Variants in TAFA2 observed in about 807,000 individuals in gnomAD.
The protein encoded by TAFA2 is chemokine-like protein TAFA-2.
In TAFA2, 7 loss-of-function variants were observed where a neutral mutation model predicts 18.8. The observed-to-expected ratio is 0.37, with a 90% confidence interval of 0.21 to 0.70. The LOEUF (loss-of-function observed/expected upper bound fraction) is 0.70, where lower values mean the gene tolerates loss of function less well. Among genes scored for constraint, TAFA2 ranks in the 30% least tolerant of loss-of-function variants. The pLI is 0.53. For synonymous variants in TAFA2, 60 were observed against 54.2 expected, an observed-to-expected ratio of 1.11 and a Z score of -0.47; for missense variants, 122 against 158.1, an observed-to-expected ratio of 0.77 and a Z score of 1.23.
At chr12:62,212,685 G>GA in intron 1 of TAFA2, among the ~76,000 whole-genome samples, 1 of 152,012 alleles carries the variant, frequency 6.6e-6, no homozygotes, top group East Asian at 1.9e-4. Context: ...ATGCTCTGCC[G>GA]AAAAAAGGTA....
rs190044289 is a variant in TAFA2 at position 61,834,331 on chromosome 12, G to A, written c.106+32989C>T. Among the ~76,000 whole-genome samples, 216 of 152,168 alleles carry A rather than the reference G, an allele frequency of 1.4e-3. 1 individual carries two copies. Among genetic ancestry groups the A allele is most frequent in the Non-Finnish European group, 2.6e-3 (179 of 67,972 alleles). ...AAGCAGGAAGTCAGAAAGATCAATAGCATCAGGCTGTCTGCTGTTGCCACT... is the reference window on the plus strand; with the variant it reads ...AAGCAGGAAGTCAGAAAGATCAATAACATCAGGCTGTCTGCTGTTGCCACT... On this transcript the variant is annotated intron_variant, in intron 2 of 4. Coordinates refer to ENST00000416284, the MANE Select transcript of TAFA2 (RefSeq NM_178539.5).
At position 62,212,210 on chromosome 12, in the gene TAFA2, T is replaced by C. The variant is rs190285272; in HGVS notation, c.-130+46553A>G. Among the ~76,000 whole-genome samples, 3 of 152,292 alleles carry C rather than the reference T, an allele frequency of 2.0e-5. No individual in the cohort carries two copies. In the East Asian group the frequency reaches 5.8e-4, roughly 29 times the overall value. ...ACAGAATTGGAGAGGAAGTTTCAAATAGTACTCAGCTTTCCTTTATTTCCA... is the reference window on the plus strand; with the variant it reads ...ACAGAATTGGAGAGGAAGTTTCAAACAGTACTCAGCTTTCCTTTATTTCCA... On this transcript the variant is annotated intron_variant, in intron 1 of 5. Coordinates refer to the TAFA2 transcript ENST00000551619.
chr12:61,827,223 C>A (rs1464577759), intron 2 of TAFA2: 1 of 152,010 alleles, frequency 6.6e-6, no homozygotes, highest in East Asian at 1.9e-4. Context: ...GGGGCTTGAG[C>A]AACAAGAGAG....
At position 61,758,623 on chromosome 12, in the gene TAFA2, G is replaced by A. The variant is rs114126312; in HGVS notation, c.107-3599C>T. Among the ~76,000 whole-genome samples, 321 of 151,984 alleles carry A rather than the reference G, an allele frequency of 2.1e-3. 3 individuals carry two copies. The highest frequency in any genetic ancestry group is 7.2e-3 in the African/African-American group (300 of 41,498). On this transcript the variant is annotated intron_variant, in intron 2 of 4. Coordinates refer to ENST00000416284, the MANE Select transcript of TAFA2 (RefSeq NM_178539.5). The stretch of plus-strand genomic sequence containing the variant: ...CAGCCCTTGGAGAAGAAAAAAAGAG[G>A]GTCTGAAATAGATACCTAAGAAAGA...
chr12:62,047,501 T>C (rs1050934963), intron 1 of TAFA2, among the ~76,000 whole-genome samples: 14 of 152,168 alleles, frequency 9.2e-5, no homozygotes, highest in Admixed American at 3.9e-4. Flanking sequence ...ACTTCAGAAA[T>C]AATGAAGACT....
intron 1 of TAFA2, among the ~76,000 whole-genome samples, chr12:61,877,667 A>G (rs1874913906): frequency 6.6e-6 from 1 of 152,066 alleles, no homozygotes; most frequent in African/African-American, 2.4e-5. Context: ...CCATTACTTC[A>G]ATTGCTAGGA....
At chr12:61,821,342 C>T (rs1359457686) in intron 2 of TAFA2, among the ~76,000 whole-genome samples, 1 of 151,900 alleles carries the variant, frequency 6.6e-6, no homozygotes, top group Non-Finnish European at 1.5e-5. Flanking sequence ...TTATTGGTTC[C>T]TTTTCATAGC....
intron 4 of TAFA2, among the ~76,000 whole-genome samples, chr12:61,748,620 AC>A (rs2120734179): frequency 6.6e-6 from 1 of 152,238 alleles, no homozygotes; most frequent in Admixed American, 6.5e-5. Context: ...GAGCAGAGTC[AC>A]TGAGATTTGG....
At chr12:61,882,246 T>C (rs565168982) in intron 1 of TAFA2, among the ~76,000 whole-genome samples, 4 of 152,172 alleles carry the variant, frequency 2.6e-5, no homozygotes, top group African/African-American at 7.2e-5. Context: ...AGATTATAAT[T>C]GGGAATGAAA....
intron 1 of TAFA2, among the ~76,000 whole-genome samples, chr12:62,012,663 T>A (rs1057275238): frequency 6.6e-5 from 10 of 152,098 alleles, no homozygotes; most frequent in African/African-American, 2.4e-4. Context: ...GAAGAAAATA[T>A]TTGAAAATGT....
chr12:61,715,360 T>C (rs973437038), intron 4 of TAFA2, among the ~76,000 whole-genome samples: 2 of 151,898 alleles, frequency 1.3e-5, no homozygotes, highest in African/African-American at 4.8e-5. Flanking sequence ...TTTATTTTAT[T>C]TTTTTTGAGA....
At chr12:61,728,448 G>A (rs955016844) in intron 4 of TAFA2, among the ~76,000 whole-genome samples, 2 of 151,862 alleles carry the variant, frequency 1.3e-5, no homozygotes, top group Admixed American at 1.3e-4. Context: ...ATCTTTCTCT[G>A]TTGGACTAGT....
At chr12:61,941,238 C>T (rs1167403520) in intron 1 of TAFA2, among the ~76,000 whole-genome samples, 2 of 152,070 alleles carry the variant, frequency 1.3e-5, no homozygotes, top group African/African-American at 2.4e-5. Context: ...TTTATATAGA[C>T]TACATGGTAA....
rs185614021 is a variant in TAFA2, at chr12:61,870,118, A to G, written c.-1-2692T>C. Among the ~76,000 whole-genome samples the G allele has an allele frequency of 1.3e-3, 197 of 152,330 alleles. 2 individuals carry two copies. The highest frequency in any genetic ancestry group is 4.6e-3 in the African/African-American group (190 of 41,576). ...TGCCAGGCTGTCAAAGTAAAGAAAG[A>G]AAGGAGAATGCAGGTCAACATTTGG... On this transcript the variant is annotated intron_variant, in intron 1 of 4. Transcript: ENST00000416284.
At chr12:62,067,833 A>G (rs1246930887) in intron 1 of TAFA2, among the ~76,000 whole-genome samples, 1 of 152,088 alleles carries the variant, frequency 6.6e-6, no homozygotes, top group East Asian at 1.9e-4. Flanking sequence ...ATATCCAGAT[A>G]TCATTGAAAA....
chr12:61,991,851 T>C (rs900586322), intron 1 of TAFA2, among the ~76,000 whole-genome samples: 12 of 152,212 alleles, frequency 7.9e-5, no homozygotes, highest in Admixed American at 2.6e-4. Flanking sequence ...CTGTCATTTC[T>C]CAAGGCTCCT....
At position 61,720,545 on chromosome 12, in the gene TAFA2, C is replaced by G. The variant is rs1034009709; in HGVS notation, c.385-10128G>C. ...TAATCCAATGCCTTTCTTTACTGAC[C>G]ACTGAGGCAGTTCTTTGCCCTCTGA... On this transcript the variant is annotated intron_variant, in intron 4 of 4. Transcript: ENST00000416284. 5.0e-5 allele frequency: 9 copies of G among 180,300 alleles called. No homozygotes were observed. The South Asian group carries it at 6.1e-4, about 12-fold the overall frequency. 11.2% of individuals were successfully genotyped at this position (180,300 alleles called of 1,614,324 possible). A position where few individuals can be genotyped will look rare whatever the true frequency, so the allele number is the denominator to read the frequency against.
At chr12:61,808,666 A>T (rs1871730531) in intron 2 of TAFA2, among the ~76,000 whole-genome samples, 2 of 151,406 alleles carry the variant, frequency 1.3e-5, no homozygotes, top group Non-Finnish European at 1.5e-5. Context: ...TTAGACAGAA[A>T]AGCTTAGCTT....
chr12:62,252,424 T>C (rs2062918502), intron 1 of TAFA2: 1 of 152,196 alleles, frequency 6.6e-6, no homozygotes, highest in Non-Finnish European at 1.5e-5. Flanking sequence ...TCTTGCTGTG[T>C]CTCCTGGTGG....
Sources: allele counts gnomAD v4.1 joint callset (sites outside exome capture counted in the v4.1 genomes callset), GRCh38; gene constraint gnomAD v4.1.1; transcripts MANE v1.5; gene names NCBI Gene and HGNC (gene_info 2026-07-23, HGNC 2026-07-21).